The following SLC35F1 variants were observed in gnomAD, a reference collection of about 807,000 sequenced individuals.
SLC35F1 encodes chromosome 6 open reading frame 169.
In SLC35F1, 14 loss-of-function variants were observed where a neutral mutation model predicts 48.7. That is an observed-to-expected ratio of 0.29 (90% CI 0.19 to 0.45). SLC35F1 has a LOEUF of 0.45. SLC35F1 is among the 20% of genes least tolerant of loss of function. SLC35F1 has a pLI of 1.00. For synonymous variants in SLC35F1, 190 were observed against 202.2 expected, an observed-to-expected ratio of 0.94 and a Z score of 0.51; for missense variants, 404 against 500.0, an observed-to-expected ratio of 0.81 and a Z score of 1.83.
At chr6:118,271,119 A>G (rs1270081834) in intron 4 of SLC35F1, among the ~76,000 whole-genome samples, 1 of 152,140 alleles carries the variant, frequency 6.6e-6, no homozygotes. Flanking sequence ...TAAAAATGAC[A>G]CTTTTTATTG....
At chr6:118,042,122 A>G (rs529786186) in intron 1 of SLC35F1, among the ~76,000 whole-genome samples, 1 of 152,232 alleles carries the variant, frequency 6.6e-6, no homozygotes, top group African/African-American at 2.4e-5. Context: ...CATGATATAT[A>G]TATTTTTCCT....
intron 1 of SLC35F1, among the ~76,000 whole-genome samples, chr6:117,946,767 A>G (rs1447668060): frequency 6.6e-6 from 1 of 152,178 alleles, no homozygotes; most frequent in African/African-American, 2.4e-5. Context: ...AGGCCACCCC[A>G]CCTGATACTG....
At chr6:118,093,501 GATAGTGA>G (rs1324042779) in intron 1 of SLC35F1, among the ~76,000 whole-genome samples, 1 of 152,146 alleles carries the variant, frequency 6.6e-6, no homozygotes, top group Non-Finnish European at 1.5e-5. Flanking sequence ...CTTTTCTCAT[GATAGTGA>G]ATAAGTTCAA....
chr6:118,180,076 G>A (rs1249791670), intron 2 of SLC35F1, among the ~76,000 whole-genome samples: 1 of 152,110 alleles, frequency 6.6e-6, no homozygotes, highest in African/African-American at 2.4e-5. Context: ...AAATAAATAG[G>A]AAAAACATTT....
At chr6:118,293,333 T>G (rs1431839474) in intron 7 of SLC35F1, among the ~76,000 whole-genome samples, 1 of 152,158 alleles carries the variant, frequency 6.6e-6, no homozygotes, top group Non-Finnish European at 1.5e-5. Flanking sequence ...CCTTACCGTT[T>G]CCAGCTTCTA....
intron 6 of SLC35F1, 123 bp downstream of exon 6, chr6:118,277,669 T>C: frequency 1.2e-6 from 1 of 804,468 alleles, no homozygotes; most frequent in Admixed American, 2.0e-5. Flanking sequence ...CAAGGGAAAA[T>C]GAAATCCCTT....
At chr6:118,236,473 C>T (rs145900679) in intron 3 of SLC35F1, among the ~76,000 whole-genome samples, 9 of 152,224 alleles carry the variant, frequency 5.9e-5, no homozygotes, top group African/African-American at 2.2e-4. Flanking sequence ...TACTTCCTGC[C>T]ATCTTGTCTA....
intron 1 of SLC35F1, among the ~76,000 whole-genome samples, chr6:118,039,808 G>GTTTTTTTTTTTTTTTTTTTT (rs201281915): frequency 8.4e-6 from 1 of 119,208 alleles, no homozygotes; most frequent in Non-Finnish European, 1.7e-5. Flanking sequence ...TGTTTTTTTT[G>GTTTTTTTTTTTTTTTTTTTT]TTTTTTTTTT....
chr6:118,221,934 A>T (rs1457139795), intron 2 of SLC35F1, among the ~76,000 whole-genome samples: 1 of 151,292 alleles, frequency 6.6e-6, no homozygotes, highest in Non-Finnish European at 1.5e-5. Flanking sequence ...GTCAATGTTC[A>T]AATTTCTAAT....
At chr6:118,289,363 A>T (rs542310092) in intron 7 of SLC35F1, among the ~76,000 whole-genome samples, 72 of 152,348 alleles carry the variant, frequency 4.7e-4, no homozygotes, top group Admixed American at 1.7e-3. Flanking sequence ...ATAAACACCC[A>T]AGAGTACAAC....
At chr6:118,313,209 T>G (rs1049389905) in intron 7 of SLC35F1, among the ~76,000 whole-genome samples, 1 of 152,220 alleles carries the variant, frequency 6.6e-6, no homozygotes, top group African/African-American at 2.4e-5. Context: ...ATGGCAATAC[T>G]CATATTGTTA....
At chr6:118,234,875 T>C (rs964424357) in intron 2 of SLC35F1, among the ~76,000 whole-genome samples, 3 of 35,080 alleles carry the variant, frequency 8.6e-5, no homozygotes, top group Admixed American at 8.6e-4. Context: ...TCTGTTCTTA[T>C]GCTACCAGTT....
intron 1 of SLC35F1, among the ~76,000 whole-genome samples, chr6:118,012,125 T>C (rs1360448670): frequency 3.3e-5 from 5 of 151,944 alleles, no homozygotes; most frequent in Admixed American, 3.3e-4. Flanking sequence ...TTTATATTAA[T>C]GACCAAGATG....
At chr6:118,096,574 A>G (rs1464574959) in intron 1 of SLC35F1, among the ~76,000 whole-genome samples, 1 of 152,164 alleles carries the variant, frequency 6.6e-6, no homozygotes, top group Non-Finnish European at 1.5e-5. Flanking sequence ...CTTCAAATGC[A>G]CAATAGATGG....
chr6:118,229,744 A>G (rs928156428), intron 2 of SLC35F1, among the ~76,000 whole-genome samples: 4 of 152,162 alleles, frequency 2.6e-5, no homozygotes, highest in African/African-American at 7.2e-5. Flanking sequence ...TGAGGATAAG[A>G]TAGCATTTGT....
intron 1 of SLC35F1, among the ~76,000 whole-genome samples, chr6:117,944,992 T>C (rs1776278471): frequency 6.6e-6 from 1 of 152,202 alleles, no homozygotes; most frequent in Admixed American, 6.5e-5. Context: ...AACACATTTT[T>C]GGGTTTGGGG....
Position 117,995,865 on chromosome 6 carries a change from C to T in SLC35F1, c.173+87966C>T, listed in dbSNP as rs532538613. On this transcript the variant is annotated intron_variant, in intron 1 of 7. Transcript: ENST00000360388. Reference sequence around the variant, plus strand: ...ATAGATTGGATGGATTATATGGTATCGTAAATCATCATAGTATTCTTTATT... The same window carrying T: ...ATAGATTGGATGGATTATATGGTATTGTAAATCATCATAGTATTCTTTATT... Among the ~76,000 whole-genome samples the T allele has an allele frequency of 1.1e-4, 17 of 152,202 alleles. No homozygotes were observed. The South Asian group carries it at 2.3e-3, about 20-fold the overall frequency.
At chr6:118,269,951 C>A (rs576999507) in intron 4 of SLC35F1, among the ~76,000 whole-genome samples, 37 of 152,146 alleles carry the variant, frequency 2.4e-4, no homozygotes, top group African/African-American at 8.7e-4. Context: ...TCGCCTGAGC[C>A]CAGGAGTTTA....
chr6:117,923,683 A>ACATATGTACATATATGTATATATG (rs1562238759), intron 1 of SLC35F1, among the ~76,000 whole-genome samples: 5 of 6,996 alleles, frequency 7.1e-4, no homozygotes, highest in African/African-American at 2.1e-3. Flanking sequence ...ATGTACATAT[A>ACATATGTACATATATGTATATATG]TACATATGTA....
Sources: gnomAD v4.1 joint callset for allele counts (sites outside exome capture counted in the v4.1 genomes callset) on GRCh38, gnomAD v4.1.1 for gene constraint, MANE v1.5 for transcripts, NCBI Gene and HGNC (gene_info 2026-07-23, HGNC 2026-07-21) for gene names.